Variants in SCRG1 observed in about 807,000 individuals in gnomAD.
The protein encoded by SCRG1 is scrapie-responsive protein 1.
In SCRG1, 3 loss-of-function variants were observed where a neutral mutation model predicts 7.7. The observed-to-expected ratio is 0.39, with a 90% CI of 0.18 to 1.01. SCRG1 has a LOEUF of 1.01. Ranked by LOEUF, SCRG1 falls within the 50% of genes least tolerant of loss-of-function variation. The pLI, the probability that SCRG1 is intolerant of heterozygous loss-of-function variation, is 0.36. For synonymous variants in SCRG1, 46 were observed against 41.2 expected, an observed-to-expected ratio of 1.12 and a Z score of -0.44; for missense variants, 110 against 117.2, an observed-to-expected ratio of 0.94 and a Z score of 0.28.
chr4:173,393,347 T>A (rs1040059645), intron 1 of SCRG1, among the ~76,000 whole-genome samples: 1 of 152,170 alleles, frequency 6.6e-6, no homozygotes, highest in Non-Finnish European at 1.5e-5. Context: ...CTTAGAATTA[T>A]CAATATCCAA....
chr4:173,430,368 CA>C, the SCRG1 span, among the ~76,000 whole-genome samples: 3 of 152,254 alleles, frequency 2.0e-5, no homozygotes, highest in African/African-American at 7.2e-5. Context: ...AGGTTGATAA[CA>C]ATACTGGTGC....
chr4:173,483,006 ATATAT>A, the SCRG1 span, among the ~76,000 whole-genome samples: 4 of 129,706 alleles, frequency 3.1e-5, no homozygotes, highest in African/African-American at 1.2e-4. Context: ...CATATGTATA[ATATAT>A]TATATAATTT....
chr4:173,439,539 A>G, the SCRG1 span, among the ~76,000 whole-genome samples: 1 of 151,816 alleles, frequency 6.6e-6, no homozygotes, highest in East Asian at 1.9e-4. Flanking sequence ...TTTTTAATAT[A>G]CATGCATTAT....
the SCRG1 span, among the ~76,000 whole-genome samples, chr4:173,473,722 A>G: frequency 6.6e-6 from 1 of 152,218 alleles, no homozygotes; most frequent in Non-Finnish European, 1.5e-5. Flanking sequence ...TTGGGAGGCA[A>G]TAAGGCCGTG....
At chr4:173,513,509 G>A in the SCRG1 span, among the ~76,000 whole-genome samples, 1 of 152,350 alleles carries the variant, frequency 6.6e-6, no homozygotes, top group East Asian at 1.9e-4. Flanking sequence ...TGTATGTGAA[G>A]GGGAGTGCTC....
At chr4:173,484,595 A>G in the SCRG1 span, among the ~76,000 whole-genome samples, 2 of 94,268 alleles carry the variant, frequency 2.1e-5, no homozygotes, top group Non-Finnish European at 3.6e-5. Flanking sequence ...CATTATGTAT[A>G]TTTTATGTAG....
chr4:173,443,700 A>C, the SCRG1 span, among the ~76,000 whole-genome samples: 1 of 150,836 alleles, frequency 6.6e-6, no homozygotes, highest in Admixed American at 6.6e-5. Flanking sequence ...TTCTGTTCTG[A>C]ATTCTTTTCT....
At chr4:173,483,706 ATGATATATTATATTGTGATATATC>A in the SCRG1 span, among the ~76,000 whole-genome samples, 1 of 9,864 alleles carries the variant, frequency 1.0e-4, no homozygotes, top group South Asian at 5.7e-3. Flanking sequence ...TATCATATAT[ATGATATATTATATTGTGATATATC>A]ATATATATGA....
At chr4:173,420,819 A>T in the SCRG1 span, among the ~76,000 whole-genome samples, 1 of 152,216 alleles carries the variant, frequency 6.6e-6, no homozygotes, top group South Asian at 2.1e-4. Flanking sequence ...GTTAAATTTA[A>T]ATAACCAGAG....
chr4:173,398,666 T>C (rs1459236354), intron 1 of SCRG1, among the ~76,000 whole-genome samples: 1 of 152,212 alleles, frequency 6.6e-6, no homozygotes, highest in African/African-American at 2.4e-5. Flanking sequence ...GTTAACTTCA[T>C]GTAGTGTAGG....
the SCRG1 span, among the ~76,000 whole-genome samples, chr4:173,448,658 A>G: frequency 6.6e-6 from 1 of 152,202 alleles, no homozygotes; most frequent in Non-Finnish European, 1.5e-5. Context: ...GAGAGGAATG[A>G]TGATGTCATC....
chr4:173,384,781 CGTG>C lies in SCRG1; in HGVS notation c.*3557_*3559del, dbSNP rs1560826489. 2 of 152,148 alleles carry C rather than the reference CGTG, an allele frequency of 1.3e-5. No individual in the cohort carries two copies. Among genetic ancestry groups the C allele is most frequent in the African/African-American group, 4.8e-5 (2 of 41,422 alleles). 9.4% of individuals were successfully genotyped at this position (152,148 alleles called of 1,614,324 possible). ...TTACTGTCAACTTTGTGCTCAGTAA[CGTG>C]GGATTCACAGTAAGAACAATGATAT... On this transcript the variant is annotated 3_prime_UTR_variant, in exon 3 of 3. Coordinates refer to ENST00000296506, the MANE Select transcript of SCRG1 (RefSeq NM_007281.4).
At chr4:173,437,910 A>G in the SCRG1 span, among the ~76,000 whole-genome samples, 2 of 152,176 alleles carry the variant, frequency 1.3e-5, no homozygotes, top group Non-Finnish European at 2.9e-5. Flanking sequence ...CAAATATCAC[A>G]CTGAACTTAG....
the SCRG1 span, among the ~76,000 whole-genome samples, chr4:173,508,547 G>A: frequency 6.6e-6 from 1 of 152,198 alleles, no homozygotes; most frequent in African/African-American, 2.4e-5. The surrounding 1 kb of genome is among the most constrained non-coding windows in gnomAD (Gnocchi z 4.4). Context: ...GCCGGACACA[G>A]ATGAAGCCAG....
At chr4:173,427,613 A>G in the SCRG1 span, among the ~76,000 whole-genome samples, 1 of 152,200 alleles carries the variant, frequency 6.6e-6, no homozygotes. Context: ...GTGCAGCTCC[A>G]TGGCACACAG....
the SCRG1 span, among the ~76,000 whole-genome samples, chr4:173,494,638 T>C: frequency 8.7e-3 from 1,326 of 152,242 alleles, 19 homozygotes; most frequent in African/African-American, 0.026. Context: ...CCTTTCCTCC[T>C]TGGGCACCAG....
chr4:173,435,099 T>C, the SCRG1 span, among the ~76,000 whole-genome samples: 100 of 148,052 alleles, frequency 6.8e-4, no homozygotes, highest in African/African-American at 2.3e-3. Context: ...ATCTTTTAAT[T>C]ATAAATGCAT....
At chr4:173,448,974 A>G in the SCRG1 span, among the ~76,000 whole-genome samples, 4 of 152,242 alleles carry the variant, frequency 2.6e-5, no homozygotes, top group East Asian at 7.7e-4. Context: ...CAGTTTCCAG[A>G]ATAAAGAATG....
At chr4:173,455,082 T>C in the SCRG1 span, among the ~76,000 whole-genome samples, 1 of 152,052 alleles carries the variant, frequency 6.6e-6, no homozygotes, top group East Asian at 1.9e-4. Context: ...ACCTTAAATG[T>C]TCCCCAGGCT....
Sources: allele counts gnomAD v4.1 joint callset (sites outside exome capture counted in the v4.1 genomes callset), GRCh38; gene constraint gnomAD v4.1.1; non-coding constraint Gnocchi (gnomAD v3.1); transcripts MANE v1.5; gene names NCBI Gene and HGNC (gene_info 2026-07-23, HGNC 2026-07-21).